Variants in LRRIQ1 observed in about 807,000 individuals in gnomAD.
LRRIQ1 encodes the protein leucine-rich repeat- and IQ domain-containing protein 1.
Under a neutral mutation model 211.9 loss-of-function variants are expected in LRRIQ1, and 210 were observed. The ratio of observed to expected loss-of-function variants is 0.99; its 90% CI spans 0.89 to 1.11. The LOEUF (loss-of-function observed/expected upper bound fraction) is 1.11. Ranked by LOEUF, LRRIQ1 falls within the 50% of genes most tolerant of loss-of-function variation. The pLI is 0.00. For missense variants in LRRIQ1, 2,136 were observed against 1,939.5 expected (o/e 1.10, Z -1.90); for synonymous variants, 699 against 650.1 (o/e 1.08, Z -1.14).
At chr12:85,184,554 A>G (rs1892141302) in intron 24 of LRRIQ1, among the ~76,000 whole-genome samples, 1 of 152,042 alleles carries the variant, frequency 6.6e-6, no homozygotes, top group African/African-American at 2.4e-5. Context: ...CAGTAACTAC[A>G]AAAGACCTGT....
At chr12:85,173,436 T>C (rs1403435581) in intron 24 of LRRIQ1, among the ~76,000 whole-genome samples, 1 of 152,104 alleles carries the variant, frequency 6.6e-6, no homozygotes, top group East Asian at 1.9e-4. Context: ...GAACAGAAAT[T>C]TATTTCTCAC....
rs576529185 is a variant in LRRIQ1, at chr12:85,242,074, G to T, written c.5017-2715G>T. ...AAAAGAGATCCGTTCCAAAAACAAA[G>T]ACCTAAAAGAATTTTGCAAAATTAC... On this transcript the variant is annotated intron_variant, in intron 26 of 26. Coordinates refer to ENST00000393217, the MANE Select transcript of LRRIQ1 (RefSeq NM_001079910.2). Among the ~76,000 whole-genome samples the T allele has an allele frequency of 3.3e-5, 5 of 152,014 alleles. No individual in the cohort carries two copies. In the South Asian group the frequency reaches 1.0e-3, roughly 31 times the overall value.
In LRRIQ1 at chr12:85,052,164, A is replaced by G; in HGVS notation, c.679-13A>G. On this transcript the variant is annotated splice_polypyrimidine_tract_variant and intron_variant, in intron 6 of 26. Coordinates refer to ENST00000393217, the MANE Select transcript of LRRIQ1 (RefSeq NM_001079910.2). ...TTTGAGTATAGTCATATTTATTATTATCATATGTTCAGCAAGAACAGGACA... is the reference window on the plus strand; with the variant it reads ...TTTGAGTATAGTCATATTTATTATTGTCATATGTTCAGCAAGAACAGGACA... The G allele has an allele frequency of 7.3e-7, 1 of 1,367,480 alleles. No individual in the cohort carries two copies. Among genetic ancestry groups the G allele is most frequent in the Non-Finnish European group, 1.0e-6 (1 of 990,798 alleles). The allele number at this position is 1,367,480 out of a possible 1,614,324, so 84.7% of individuals were successfully genotyped here.
chr12:85,209,800 C>T (rs892307676), intron 24 of LRRIQ1, among the ~76,000 whole-genome samples: 3 of 151,970 alleles, frequency 2.0e-5, no homozygotes, highest in African/African-American at 7.3e-5. Context: ...TTCTTCACAA[C>T]ATCCATGAAA....
Position 85,244,844 on chromosome 12 carries a change from G to T in LRRIQ1, c.5072G>T (p.Gly1691Val). The change falls in exon 27 of 27, where the codon GGA (glycine) becomes GTA (valine). Residue 1691 changes from glycine (G) to valine (V), a missense_variant. Coordinates refer to ENST00000393217, the MANE Select transcript of LRRIQ1 (RefSeq NM_001079910.2). ...TTAGACCTTTTTTCCATGACCAATG[G>T]AAGTGCTTTGTCTGTGAACAGAGAA... ...TDLDLFSMTN[G>V]SALSVNREKK... is the part of the protein sequence containing the mutation. 6.2e-7 allele frequency: 1 copy of T among 1,609,726 alleles called. No individual in the cohort carries two copies. Among genetic ancestry groups the T allele is most frequent in the Non-Finnish European group, 8.5e-7 (1 of 1,177,500 alleles).
intron 13 of LRRIQ1, among the ~76,000 whole-genome samples, chr12:85,099,282 G>T (rs10862957): frequency 0.057 from 8,671 of 151,752 alleles, 836 homozygotes; most frequent in African/African-American, 0.2. Context: ...ATTTGTTTAT[G>T]TTTATACGGA....
chr12:85,249,846 C>T (rs570200505), downstream of LRRIQ1, among the ~76,000 whole-genome samples: 8 of 151,778 alleles, frequency 5.3e-5, no homozygotes, highest in East Asian at 1.9e-4. Context: ...TTATAAAAAG[C>T]GCTCTATGAT....
At chr12:85,078,901 A>C (rs959827801) in intron 11 of LRRIQ1, among the ~76,000 whole-genome samples, 1 of 152,202 alleles carries the variant, frequency 6.6e-6, no homozygotes, top group African/African-American at 2.4e-5. Flanking sequence ...GGATTCACAA[A>C]AATTTTATAA....
Position 85,187,514 on chromosome 12 carries a change from G to C in LRRIQ1, c.4822+26800G>C, listed in dbSNP as rs189671551. ...CAAAGAGTACTCATGCTCTGGTTTAGAAAGTGGGTCAGCCGGGCGCGGTGG... is the reference window on the plus strand; with the variant it reads ...CAAAGAGTACTCATGCTCTGGTTTACAAAGTGGGTCAGCCGGGCGCGGTGG... On this transcript the variant is annotated intron_variant, in intron 24 of 26. Coordinates refer to ENST00000393217, the MANE Select transcript of LRRIQ1 (RefSeq NM_001079910.2). Among the ~76,000 whole-genome samples the C allele has an allele frequency of 4.6e-5, 7 of 152,092 alleles. No individual in the cohort carries two copies. In the East Asian group the frequency reaches 1.4e-3, roughly 30 times the overall value.
intron 24 of LRRIQ1, among the ~76,000 whole-genome samples, chr12:85,186,017 A>T (rs574457461): frequency 6.6e-6 from 1 of 152,164 alleles, no homozygotes; most frequent in South Asian, 2.1e-4. Context: ...TGAAGTTTAA[A>T]TCATATTACC....
intron 24 of LRRIQ1, among the ~76,000 whole-genome samples, chr12:85,172,088 C>T (rs1211374688): frequency 2.6e-5 from 4 of 152,178 alleles, no homozygotes; most frequent in African/African-American, 9.7e-5. Context: ...TCCCCAATTG[C>T]TGCTTTCCTG....
At chr12:85,121,646 T>C in intron 15 of LRRIQ1, 51 bp from the exon 16 acceptor site, 1 of 1,356,602 alleles carries the variant, frequency 7.4e-7, no homozygotes, top group East Asian at 2.4e-5. Flanking sequence ...TTTAGATACA[T>C]ACTCTCCTTA....
intron 4 of LRRIQ1, among the ~76,000 whole-genome samples, chr12:85,045,469 TACTC>T (rs1592690279): frequency 6.6e-6 from 1 of 151,930 alleles, no homozygotes; most frequent in East Asian, 1.9e-4. Flanking sequence ...TTTTTTGTAA[TACTC>T]AAATTTGAAA....
At chr12:85,261,146 C>G (rs539881810) in intron 1 of LRRIQ1, among the ~76,000 whole-genome samples, 40 of 152,226 alleles carry the variant, frequency 2.6e-4, no homozygotes, top group Admixed American at 1.8e-3. Context: ...GTCTCTAGCT[C>G]CGTTACAGAC....
chr12:85,208,988 A>G (rs1893702280), intron 24 of LRRIQ1, among the ~76,000 whole-genome samples: 1 of 152,176 alleles, frequency 6.6e-6, no homozygotes, highest in African/African-American at 2.4e-5. Flanking sequence ...GCACTCAGCT[A>G]TGAACTTAGA....
intron 24 of LRRIQ1, among the ~76,000 whole-genome samples, chr12:85,196,445 A>T (rs1296381161): frequency 6.6e-6 from 1 of 152,188 alleles, no homozygotes; most frequent in African/African-American, 2.4e-5. Context: ...GGCTACAGTA[A>T]CCAAAACAGC....
intron 26 of LRRIQ1, among the ~76,000 whole-genome samples, chr12:85,242,308 TCAAA>T (rs1423917913): frequency 6.6e-6 from 1 of 151,684 alleles, no homozygotes; most frequent in Non-Finnish European, 1.5e-5. Flanking sequence ...TTGAAAATAT[TCAAA>T]CAAACAAAAA....
intron 1 of LRRIQ1, among the ~76,000 whole-genome samples, chr12:85,261,176 C>T (rs1169211590): frequency 6.6e-6 from 1 of 152,114 alleles, no homozygotes; most frequent in African/African-American, 2.4e-5. Flanking sequence ...TAGACATGAG[C>T]ATTAGTCTTT....
At chr12:85,118,061 A>G (rs1887704250) in intron 15 of LRRIQ1, among the ~76,000 whole-genome samples, 1 of 152,260 alleles carries the variant, frequency 6.6e-6, no homozygotes, top group African/African-American at 2.4e-5. Context: ...GTCAAAGATT[A>G]TCCCTGGTGA....
Sources: gnomAD v4.1 joint callset for allele counts (sites outside exome capture counted in the v4.1 genomes callset) on GRCh38, gnomAD v4.1.1 for gene constraint, MANE v1.5 for transcripts, NCBI Gene and HGNC (gene_info 2026-07-23, HGNC 2026-07-21) for gene names.